Variants in JKAMP observed in about 807,000 individuals in gnomAD.
JKAMP encodes JNK1/MAPK8-associated membrane protein.
Under a neutral mutation model 40.2 loss-of-function variants are expected in JKAMP, and 20 were observed. That is an observed-to-expected ratio of 0.50 (90% CI 0.35 to 0.72). The LOEUF is 0.72. Among genes scored for constraint, JKAMP ranks in the 30% least tolerant of loss-of-function variants. JKAMP has a pLI of 0.01. For missense variants in JKAMP, 276 were observed against 373.0 expected (o/e 0.74, Z 2.14); for synonymous variants, 138 against 131.6 (o/e 1.05, Z -0.33).
chr14:59,502,764 T>TG (rs1261460995), intron 6 of JKAMP, among the ~76,000 whole-genome samples: 3 of 130,470 alleles, frequency 2.3e-5, no homozygotes, highest in Non-Finnish European at 4.8e-5. Context: ...TTTTTTTTTT[T>TG]TTTTTTTTTC....
At chr14:59,502,764 T>TCTTTGTTTTTGTTTTTTTC (rs1261460995) in intron 6 of JKAMP, among the ~76,000 whole-genome samples, 1 of 130,472 alleles carries the variant, frequency 7.7e-6, no homozygotes, top group African/African-American at 3.2e-5. Context: ...TTTTTTTTTT[T>TCTTTGTTTTTGTTTTTTTC]TTTTTTTTTC....
At chr14:59,501,971 A>G (rs55906023) in intron 6 of JKAMP, among the ~76,000 whole-genome samples, 9,457 of 152,238 alleles carry the variant, frequency 0.062, 392 homozygotes, top group Middle Eastern at 0.11. Context: ...ACATCATATC[A>G]TAACGTTTAT....
At chr14:59,493,183 C>T (rs1207279261) in intron 3 of JKAMP, among the ~76,000 whole-genome samples, 1 of 152,122 alleles carries the variant, frequency 6.6e-6, no homozygotes, top group Non-Finnish European at 1.5e-5. Flanking sequence ...AGAAGGAAAA[C>T]ACATCCCAAG....
At chr14:59,489,620 C>T (rs959741905) in intron 3 of JKAMP, among the ~76,000 whole-genome samples, 17 of 152,246 alleles carry the variant, frequency 1.1e-4, no homozygotes, top group African/African-American at 3.1e-4. Context: ...ATCTTTATAG[C>T]ACTGCCCTAC....
chr14:59,502,750 A>AATTTTTTTTTTTT (rs1891981852), intron 6 of JKAMP, among the ~76,000 whole-genome samples: 3 of 4,908 alleles, frequency 6.1e-4, no homozygotes, highest in African/African-American at 1.0e-3. Flanking sequence ...ATAAAATGAG[A>AATTTTTTTTTTTT]TTTTTTTTTT....
At chr14:59,501,457 G>T (rs1312802520) in intron 6 of JKAMP, among the ~76,000 whole-genome samples, 190 bp downstream of exon 6, 3 of 152,118 alleles carry the variant, frequency 2.0e-5, no homozygotes, top group Non-Finnish European at 2.9e-5. Context: ...ATTTCCCTGG[G>T]AAATTAGCAA....
At chr14:59,494,828 T>C (rs562413087) in intron 3 of JKAMP, among the ~76,000 whole-genome samples, 190 bp from the exon 4 acceptor site, 7 of 152,384 alleles carry the variant, frequency 4.6e-5, no homozygotes, top group Non-Finnish European at 8.8e-5. Flanking sequence ...ATTTCTGCTT[T>C]TCTGTTACAC....
intron 1 of JKAMP, chr14:59,485,124 A>G (rs1890430875): frequency 6.3e-7 from 1 of 1,598,154 alleles, no homozygotes; most frequent in African/African-American, 1.3e-5. Context: ...TTAGTAAGTG[A>G]TAGGCTGTTT....
chr14:59,499,488 A>C (rs912748022), intron 5 of JKAMP, among the ~76,000 whole-genome samples: 1 of 152,210 alleles, frequency 6.6e-6, no homozygotes, highest in Non-Finnish European at 1.5e-5. Flanking sequence ...ATTTTAATGT[A>C]ACCATTAATT....
intron 3 of JKAMP, among the ~76,000 whole-genome samples, chr14:59,490,302 T>A (rs1314805198): frequency 6.6e-6 from 1 of 152,194 alleles, no homozygotes; most frequent in East Asian, 1.9e-4. Context: ...CAGCTCCAAG[T>A]CATTCATGAG....
chr14:59,502,684 T>TATCA (rs1163889327), intron 6 of JKAMP, among the ~76,000 whole-genome samples: 3 of 151,514 alleles, frequency 2.0e-5, no homozygotes, highest in Non-Finnish European at 4.4e-5. Flanking sequence ...TTGGCGCTTT[T>TATCA]ATCAACTCTA....
chr14:59,490,850 A>C (rs77202011), intron 3 of JKAMP, among the ~76,000 whole-genome samples: 121 of 152,340 alleles, frequency 7.9e-4, no homozygotes, highest in Non-Finnish European at 1.5e-3. Flanking sequence ...ACAGTAAAGA[A>C]GAGCTAACAG....
chr14:59,498,625 G>A lies in JKAMP; in HGVS notation c.459-102G>A, dbSNP rs114139565. 980 of 670,836 alleles carry A rather than the reference G, an allele frequency of 1.5e-3. 7 individuals carry two copies. The African/African-American group carries it at 0.015, about 10-fold the overall frequency. 41.6% of individuals were successfully genotyped at this position (670,836 alleles called of 1,614,324 possible). ...AATATCCAATGGATAGAGTAAATAT[G>A]CTTTTTAAACCTCTTTTAGGCTCTT... On this transcript the variant is annotated intron_variant, in intron 4 of 6. Transcript: ENST00000616435.
chr14:59,485,115 TAGTA>T, intron 1 of JKAMP: 1 of 1,598,416 alleles, frequency 6.3e-7, no homozygotes, highest in Admixed American at 1.7e-5. Flanking sequence ...GGGTTTTGCT[TAGTA>T]AGTGATAGGC....
chr14:59,484,572 A>G lies in JKAMP; in HGVS notation c.-18A>G, dbSNP rs1325849083. 1 of 1,573,624 alleles carries G rather than the reference A, an allele frequency of 6.4e-7. No individual in the cohort carries two copies. The highest frequency in any genetic ancestry group is 1.2e-5 in the South Asian group (1 of 85,554). On this transcript the variant is annotated 5_prime_UTR_variant, in exon 1 of 7. Transcript: ENST00000616435. ...TCCGCTGATCTAGTGCTTCTCGAAA[A>G]AAACCTTCAGGCGGCCCATGGGTGA...
At chr14:59,501,489 A>G (rs1021987754) in intron 6 of JKAMP, among the ~76,000 whole-genome samples, 1 of 152,220 alleles carries the variant, frequency 6.6e-6, no homozygotes, top group Non-Finnish European at 1.5e-5. Flanking sequence ...AGTCAGGCCC[A>G]ACTATCCAGC....
intron 3 of JKAMP, 108 bp from the exon 4 acceptor site, chr14:59,494,910 C>A: frequency 1.3e-6 from 1 of 771,112 alleles, no homozygotes; most frequent in Non-Finnish European, 2.1e-6. Flanking sequence ...TAGTTTTTGA[C>A]TTTTCTTATA....
chr14:59,490,035 A>G (rs1316568851), intron 3 of JKAMP, among the ~76,000 whole-genome samples: 1 of 152,028 alleles, frequency 6.6e-6, no homozygotes, highest in Non-Finnish European at 1.5e-5. Flanking sequence ...TGATCTTCCC[A>G]TCTCAGCCTT....
In JKAMP at chr14:59,505,048, A is replaced by G; in HGVS notation, c.*976A>G. The G allele has an allele frequency of 2.5e-6, 1 of 397,340 alleles. No individual in the cohort carries two copies. The highest frequency in any genetic ancestry group is 4.5e-6 in the Non-Finnish European group (1 of 221,740). The allele number at this position is 397,340 out of a possible 1,614,324, so 24.6% of individuals were successfully genotyped here. A position where few individuals can be genotyped will look rare whatever the true frequency, so the allele number is the denominator to read the frequency against. ...AAATGAAATTTTTAGCTCTTAACCT[A>G]ACAACCTGACCATGTTTATCCATTT... On this transcript the variant is annotated 3_prime_UTR_variant, in exon 7 of 7. Coordinates refer to ENST00000616435, the MANE Select transcript of JKAMP (RefSeq NM_016475.5).
Sources: allele counts gnomAD v4.1 joint callset (sites outside exome capture counted in the v4.1 genomes callset), GRCh38; gene constraint gnomAD v4.1.1; transcripts MANE v1.5; gene names NCBI Gene and HGNC (gene_info 2026-07-23, HGNC 2026-07-21).